The following SLC26A4 variants were observed in gnomAD, a reference collection of about 807,000 sequenced individuals.
SLC26A4 encodes the protein solute carrier family 26 member 4.
In SLC26A4, 93 loss-of-function variants were observed where a neutral mutation model predicts 90.4. The observed-to-expected ratio is 1.03, with a 90% confidence interval of 0.87 to 1.22. The LOEUF (loss-of-function observed/expected upper bound fraction) is 1.22, where lower values mean the gene tolerates loss of function less well. Among genes scored for constraint, SLC26A4 ranks in the 50% most tolerant of loss-of-function variants. The pLI is 0.00. For missense variants in SLC26A4, 1,127 were observed against 946.2 expected (o/e 1.19, Z -2.51); for synonymous variants, 393 against 354.6 (o/e 1.11, Z -1.22).
intron 3 of SLC26A4, among the ~76,000 whole-genome samples, chr7:107,671,596 G>A (rs1293467327): frequency 3.3e-5 from 5 of 152,186 alleles, no homozygotes; most frequent in Non-Finnish European, 7.4e-5. Context: ...CAGGTGATTT[G>A]GATCCTGTTC....
rs1404667723 is a variant in SLC26A4 at position 107,715,752 on chromosome 7, T to G, written c.*306T>G. 2 of 454,156 alleles carry G rather than the reference T, an allele frequency of 4.4e-6. No homozygotes were observed. Among genetic ancestry groups the G allele is most frequent in the African/African-American group, 3.9e-5 (2 of 51,250 alleles). 28.1% of individuals were successfully genotyped at this position (454,156 alleles called of 1,614,324 possible). A position where few individuals can be genotyped will look rare whatever the true frequency, so the allele number is the denominator to read the frequency against. ...GGGCCCTGGCATATCTCTGTTCAGT[T>G]AGAGTGAGTGCTGACCCAACAGCCT... On this transcript the variant is annotated 3_prime_UTR_variant, in exon 21 of 21. Transcript: ENST00000644269.
At chr7:107,697,999 C>T (rs779724986) in intron 13 of SLC26A4, 43 bp from the exon 14 acceptor site, 39 of 1,238,586 alleles carry the variant, frequency 3.1e-5, no homozygotes, top group African/African-American at 1.2e-4. Context: ...TTCCAAAATA[C>T]GGCTGTTCCA....
chr7:107,692,014 C>T, intron 10 of SLC26A4: 1 of 1,289,246 alleles, frequency 7.8e-7, no homozygotes, highest in South Asian at 1.2e-5. Flanking sequence ...AAATCTCAAA[C>T]TGCTGATGTC....
At position 107,661,314 on chromosome 7, in the gene SLC26A4, C is replaced by T. The variant is rs181130119; in HGVS notation, c.-3-325C>T. 1.1e-4 allele frequency: 50 copies of T among 435,704 alleles called. No individual in the cohort carries two copies. Among genetic ancestry groups the T allele is most frequent in the African/African-American group, 9.7e-4 (47 of 48,362 alleles). 27.0% of individuals were successfully genotyped at this position (435,704 alleles called of 1,614,324 possible). A position where few individuals can be genotyped will look rare whatever the true frequency, so the allele number is the denominator to read the frequency against. On this transcript the variant is annotated intron_variant, in intron 1 of 20. Transcript: ENST00000644269. The surrounding 1 kb of genome is among the most constrained non-coding windows in gnomAD (Gnocchi z 5.1). ...GGAGATTTCAGAACGCGGACAGCGC[C>T]CTGGCTGCGGGCCATAGGGGACTGG...
chr7:107,686,171 C>T (rs904411933), intron 8 of SLC26A4, among the ~76,000 whole-genome samples: 4 of 151,458 alleles, frequency 2.6e-5, no homozygotes, highest in Non-Finnish European at 5.9e-5. Context: ...AATTTTAATC[C>T]CTATTCACTG....
intron 3 of SLC26A4, 97 bp downstream of exon 3, chr7:107,663,532 C>A: frequency 7.4e-7 from 1 of 1,344,920 alleles, no homozygotes; most frequent in Non-Finnish European, 1.1e-6. Context: ...GCTTACCCTT[C>A]AAGGCCTGTA....
At chr7:107,715,204 C>G (rs1792314151) in intron 20 of SLC26A4, among the ~76,000 whole-genome samples, 1 of 149,834 alleles carries the variant, frequency 6.7e-6, no homozygotes, top group Non-Finnish European at 1.5e-5. Flanking sequence ...CACAGCACTC[C>G]AGCCTGGGCA....
chr7:107,689,259 A>G, intron 9 of SLC26A4, 59 bp downstream of exon 9: 4 of 1,576,496 alleles, frequency 2.5e-6, no homozygotes, highest in Non-Finnish European at 3.5e-6. Context: ...AAAAAACATA[A>G]ATGGAAAAGA....
At chr7:107,686,401 TC>T (rs1791412497) in intron 8 of SLC26A4, among the ~76,000 whole-genome samples, 4 of 85,676 alleles carry the variant, frequency 4.7e-5, no homozygotes, top group Admixed American at 1.1e-4. Flanking sequence ...TTCCTCTCTC[TC>T]TTTTTTCTTT....
intron 15 of SLC26A4, among the ~76,000 whole-genome samples, chr7:107,700,437 G>A (rs1227867765): frequency 6.6e-6 from 1 of 152,214 alleles, no homozygotes; most frequent in Admixed American, 6.5e-5. Context: ...CAGAATTTGA[G>A]TAAGTTTCAA....
At chr7:107,700,817 C>T (rs1219582575) in intron 15 of SLC26A4, among the ~76,000 whole-genome samples, 1 of 152,102 alleles carries the variant, frequency 6.6e-6, no homozygotes, top group Non-Finnish European at 1.5e-5. Context: ...TTGGAAAACC[C>T]AGACTTAAAC....
intron 19 of SLC26A4, among the ~76,000 whole-genome samples, chr7:107,711,116 C>T (rs1247319647): frequency 6.7e-6 from 1 of 150,294 alleles, no homozygotes; most frequent in Non-Finnish European, 1.5e-5. Flanking sequence ...AATACTAGTC[C>T]TAACTACCAA....
At chr7:107,676,986 C>G (rs890320088) in intron 6 of SLC26A4, among the ~76,000 whole-genome samples, 2 of 152,110 alleles carry the variant, frequency 1.3e-5, no homozygotes, top group African/African-American at 4.8e-5. Context: ...TCAGCTTGGG[C>G]AACATGACAA....
intron 6 of SLC26A4, among the ~76,000 whole-genome samples, chr7:107,682,547 T>A (rs1361972673): frequency 1.3e-5 from 2 of 152,140 alleles, no homozygotes; most frequent in Non-Finnish European, 2.9e-5. Flanking sequence ...ATATGAAGTA[T>A]TTTAGGATTT....
In SLC26A4 at chr7:107,661,399, G is replaced by A. The variant is rs572979937; in HGVS notation, c.-3-240G>A. Reference sequence around the variant, plus strand: ...CTCGCTTCAAGTTTGGGGAACCCCGGGCAGCGGGTGCAGGCCACGAGACCC... The same window carrying A: ...CTCGCTTCAAGTTTGGGGAACCCCGAGCAGCGGGTGCAGGCCACGAGACCC... On this transcript the variant is annotated intron_variant, in intron 1 of 20. Transcript: ENST00000644269. The surrounding 1 kb of genome is among the most constrained non-coding windows in gnomAD (Gnocchi z 5.1). 349 of 591,980 alleles carry A rather than the reference G, an allele frequency of 5.9e-4. 9 individuals carry two copies. The South Asian group carries it at 6.3e-3, about 11-fold the overall frequency. The allele number at this position is 591,980 out of a possible 1,614,324, so 36.7% of individuals were successfully genotyped here. A position where few individuals can be genotyped will look rare whatever the true frequency, so the allele number is the denominator to read the frequency against.
intron 6 of SLC26A4, among the ~76,000 whole-genome samples, chr7:107,681,416 T>A (rs1368675219): frequency 6.6e-6 from 1 of 152,170 alleles, no homozygotes; most frequent in Non-Finnish European, 1.5e-5. Flanking sequence ...TTCATTAAGC[T>A]CATACATAAT....
intron 3 of SLC26A4, among the ~76,000 whole-genome samples, chr7:107,668,041 G>A (rs1163589601): frequency 6.6e-6 from 1 of 152,080 alleles, no homozygotes; most frequent in African/African-American, 2.4e-5. Flanking sequence ...AAATGTAACT[G>A]GGTCCCCAGG....
chr7:107,705,992 T>A (rs1471071329), intron 18 of SLC26A4, among the ~76,000 whole-genome samples: 5 of 152,206 alleles, frequency 3.3e-5, no homozygotes, highest in Non-Finnish European at 7.3e-5. Flanking sequence ...TAGTTCTTGG[T>A]CTTCATTGGA....
chr7:107,663,330 A>T lies in SLC26A4; in HGVS notation c.199A>T (p.Thr67Ser), dbSNP rs1174526823. The T allele has an allele frequency of 6.2e-7, 1 of 1,613,858 alleles. No homozygotes were observed. The highest frequency in any genetic ancestry group is 2.2e-5 in the East Asian group (1 of 44,894). The change falls in exon 3 of 21, where the codon ACT becomes TCT. Residue 67 changes from threonine to serine, a missense_variant. By Grantham distance (58) the Thr-to-Ser change is moderately conservative. Transcript: ENST00000644269. ...SRKRAFGVLKTLVPILEWLPK... is the reference protein window; with the variant it reads ...SRKRAFGVLKSLVPILEWLPK... Reference sequence around the variant, plus strand: ...AAAGAGAGCCTTTGGTGTGCTAAAGACTCTTGTGCCCATCTTGGAGTGGCT... The same window carrying T: ...AAAGAGAGCCTTTGGTGTGCTAAAGTCTCTTGTGCCCATCTTGGAGTGGCT...
Sources: allele counts gnomAD v4.1 joint callset (sites outside exome capture counted in the v4.1 genomes callset), GRCh38; gene constraint gnomAD v4.1.1; non-coding constraint Gnocchi (gnomAD v3.1); transcripts MANE v1.5; gene names NCBI Gene and HGNC (gene_info 2026-07-23, HGNC 2026-07-21).